The following ARHGAP28 variants were observed in gnomAD, a reference collection of about 807,000 sequenced individuals.
ARHGAP28 encodes Rho GTPase activating protein 28, also known as rho GTPase-activating protein 28.
A neutral mutation model predicts 90.7 loss-of-function variants in ARHGAP28; 56 were observed. The observed-to-expected ratio is 0.62, with a 90% CI of 0.50 to 0.77. The LOEUF (loss-of-function observed/expected upper bound fraction) is 0.77. Ranked by LOEUF, ARHGAP28 falls within the 30% of genes least tolerant of loss-of-function variation. ARHGAP28 has a pLI of 0.00. For missense variants in ARHGAP28, 869 were observed against 900.9 expected (o/e 0.96, Z 0.45); for synonymous variants, 308 against 323.3 (o/e 0.95, Z 0.51).
chr18:6,864,645 C>T (rs557544781), intron 5 of ARHGAP28, among the ~76,000 whole-genome samples: 14 of 151,854 alleles, frequency 9.2e-5, no homozygotes, highest in South Asian at 6.3e-4. Flanking sequence ...AATAGTTGCC[C>T]GTATCAGCAA....
intron 3 of ARHGAP28, among the ~76,000 whole-genome samples, chr18:6,843,137 G>T (rs1453514241): frequency 6.6e-6 from 1 of 151,726 alleles, no homozygotes; most frequent in East Asian, 1.9e-4. Context: ...AATGTGCCTG[G>T]CATTTAGTAG....
intron 1 of ARHGAP28, among the ~76,000 whole-genome samples, chr18:6,737,135 T>C (rs1312315118): frequency 6.6e-6 from 1 of 152,214 alleles, no homozygotes; most frequent in African/African-American, 2.4e-5. Context: ...GTAAATGGAA[T>C]GTTTTTCAGA....
intron 1 of ARHGAP28, among the ~76,000 whole-genome samples, chr18:6,746,628 T>G (rs1020508471): frequency 6.6e-6 from 1 of 152,226 alleles, no homozygotes; most frequent in Non-Finnish European, 1.5e-5. Flanking sequence ...CATTTTTAAG[T>G]GAAAACACTG....
chr18:6,813,942 GT>G (rs2056573720), intron 1 of ARHGAP28, among the ~76,000 whole-genome samples: 1 of 152,080 alleles, frequency 6.6e-6, no homozygotes, highest in South Asian at 2.1e-4. Context: ...GGAAACCCTA[GT>G]TATGGCTTTC....
At chr18:6,753,243 T>C (rs150423723) in intron 1 of ARHGAP28, among the ~76,000 whole-genome samples, 4 of 152,342 alleles carry the variant, frequency 2.6e-5, no homozygotes, top group Non-Finnish European at 5.9e-5. Flanking sequence ...TTCAGGACAA[T>C]ATTGTAATTG....
At chr18:6,870,330 T>C (rs2057073488) in intron 6 of ARHGAP28, among the ~76,000 whole-genome samples, 1 of 152,184 alleles carries the variant, frequency 6.6e-6, no homozygotes, top group Non-Finnish European at 1.5e-5. Flanking sequence ...TCATGAGACA[T>C]ACAAATCTAA....
At chr18:6,828,859 C>A (rs941084244) in intron 2 of ARHGAP28, among the ~76,000 whole-genome samples, 10 of 152,092 alleles carry the variant, frequency 6.6e-5, no homozygotes, top group African/African-American at 2.4e-4. Flanking sequence ...TGTAAGACAT[C>A]CAAAAAAGAC....
intron 1 of ARHGAP28, chr18:6,774,017 A>G (rs368635613): frequency 1.3e-5 from 2 of 152,296 alleles, no homozygotes; most frequent in African/African-American, 4.8e-5. Context: ...TTCTTCACTT[A>G]GAGAAGAAAC....
At chr18:6,739,626 C>T (rs2055957579) in intron 1 of ARHGAP28, among the ~76,000 whole-genome samples, 1 of 148,282 alleles carries the variant, frequency 6.7e-6, no homozygotes, top group Admixed American at 6.8e-5. Flanking sequence ...CTAGAGCAGA[C>T]ATTCAAATTG....
At chr18:6,870,925 C>G (rs575352639) in intron 7 of ARHGAP28, among the ~76,000 whole-genome samples, 193 bp downstream of exon 7, 28 of 152,224 alleles carry the variant, frequency 1.8e-4, no homozygotes, top group African/African-American at 4.1e-4. Context: ...CTCAGCCTCC[C>G]GAGTAGCTGG....
At chr18:6,819,178 TGTG>T (rs2056610680) in intron 1 of ARHGAP28, among the ~76,000 whole-genome samples, 2 of 152,206 alleles carry the variant, frequency 1.3e-5, no homozygotes, top group African/African-American at 4.8e-5. Flanking sequence ...CAACTAAACT[TGTG>T]GTTACACAGA....
intron 1 of ARHGAP28, among the ~76,000 whole-genome samples, chr18:6,811,548 C>T (rs556491218): frequency 5.5e-4 from 84 of 152,260 alleles, no homozygotes; most frequent in African/African-American, 1.9e-3. Flanking sequence ...TTTCTAAGTA[C>T]AGTAGACCTT....
chr18:6,911,919 C>A, intron 17 of ARHGAP28, 141 bp from the exon 18 acceptor site: 1 of 434,612 alleles, frequency 2.3e-6, no homozygotes, highest in Non-Finnish European at 4.0e-6. Flanking sequence ...GTTAAGAAAC[C>A]TTAACATATG....
rs1299565306 is a variant in ARHGAP28 at position 6,816,260 on chromosome 18, TG to T, written c.123-8501del. Among the ~76,000 whole-genome samples the T allele has an allele frequency of 3.3e-5, 5 of 152,324 alleles. No homozygotes were observed. The South Asian group carries it at 8.3e-4, about 25-fold the overall frequency. On this transcript the variant is annotated intron_variant, in intron 1 of 17. Transcript: ENST00000383472. ...CTTTTTATCATTATTGCCTTTCAAGTGCTTTTTGCAGGACATCCAAGTTGAG... is the reference window on the plus strand; with the variant it reads ...CTTTTTATCATTATTGCCTTTCAAGTCTTTTTGCAGGACATCCAAGTTGAG...
chr18:6,818,093 G>A (rs2056603681), intron 1 of ARHGAP28, among the ~76,000 whole-genome samples: 1 of 152,146 alleles, frequency 6.6e-6, no homozygotes, highest in Non-Finnish European at 1.5e-5. Context: ...CATTTTACAT[G>A]TATTCACTCC....
chr18:6,909,261 T>TTTTCC, intron 17 of ARHGAP28, among the ~76,000 whole-genome samples: 1 of 62,606 alleles, frequency 1.6e-5, no homozygotes, highest in Non-Finnish European at 4.5e-5. Context: ...TTTTCTTTTC[T>TTTTCC]TTTCTTTTCT....
At chr18:6,757,248 A>G (rs1242608760) in intron 1 of ARHGAP28, among the ~76,000 whole-genome samples, 1 of 152,238 alleles carries the variant, frequency 6.6e-6, no homozygotes, top group Non-Finnish European at 1.5e-5. Flanking sequence ...ATTATTTCAC[A>G]TGGTGAAGTT....
intron 1 of ARHGAP28, among the ~76,000 whole-genome samples, chr18:6,759,557 G>T (rs1243496013): frequency 6.6e-6 from 1 of 152,114 alleles, no homozygotes; most frequent in African/African-American, 2.4e-5. Flanking sequence ...GCACCTAATA[G>T]GTTAAGAATT....
intron 15 of ARHGAP28, among the ~76,000 whole-genome samples, chr18:6,895,419 A>G (rs2057297412): frequency 6.6e-6 from 1 of 152,242 alleles, no homozygotes; most frequent in Admixed American, 6.5e-5. Context: ...AGGTACCACA[A>G]ATGAGCTGGC....
Sources: allele counts gnomAD v4.1 joint callset (sites outside exome capture counted in the v4.1 genomes callset), GRCh38; gene constraint gnomAD v4.1.1; transcripts MANE v1.5; gene names NCBI Gene and HGNC (gene_info 2026-07-23, HGNC 2026-07-21).